KIF6: variants seen among roughly 807,000 people sequenced by gnomAD.
KIF6 encodes the protein kinesin-like protein KIF6.
Under a neutral mutation model 112.7 loss-of-function variants are expected in KIF6, and 106 were observed. The observed-to-expected ratio is 0.94, with a 90% CI of 0.80 to 1.11. KIF6 has a LOEUF of 1.11. KIF6 is among the 50% of genes least tolerant of loss of function. KIF6 has a pLI of 0.00. For synonymous variants in KIF6, 339 were observed against 339.9 expected, an observed-to-expected ratio of 1.00 and a Z score of 0.03; for missense variants, 929 against 964.0, an observed-to-expected ratio of 0.96 and a Z score of 0.48.
At chr6:39,620,583 T>C (rs987649925) in intron 5 of KIF6, 4 of 152,136 alleles carry the variant, frequency 2.6e-5, no homozygotes, top group African/African-American at 9.7e-5. Context: ...TACATGCTTC[T>C]TGTGAAAAAG....
chr6:39,631,220 T>C (rs1181567127), intron 5 of KIF6, among the ~76,000 whole-genome samples: 2 of 152,032 alleles, frequency 1.3e-5, no homozygotes, highest in Non-Finnish European at 1.5e-5. Flanking sequence ...TGCTTTTTTT[T>C]TTTCAGAAGA....
At chr6:39,346,308 G>A (rs570246637) in intron 20 of KIF6, 168 bp downstream of exon 20, 1 of 696,572 alleles carries the variant, frequency 1.4e-6, no homozygotes, top group East Asian at 2.7e-5. Context: ...CAATGTAATG[G>A]TAGTAGAGGT....
chr6:39,720,579 T>G, intron 2 of KIF6, 123 bp downstream of exon 2: 1 of 613,162 alleles, frequency 1.6e-6, no homozygotes, highest in South Asian at 2.1e-5. Context: ...CTAGGTGAGA[T>G]GAAGAGCTGC....
At chr6:39,565,513 G>A (rs1780232578) in intron 10 of KIF6, among the ~76,000 whole-genome samples, 1 of 152,144 alleles carries the variant, frequency 6.6e-6, no homozygotes, top group African/African-American at 2.4e-5. Context: ...CCTCTTCCAA[G>A]TCTCAGGTAT....
intron 6 of KIF6, among the ~76,000 whole-genome samples, chr6:39,598,434 G>C (rs967177898): frequency 4.6e-5 from 7 of 152,210 alleles, no homozygotes; most frequent in African/African-American, 1.7e-4. Context: ...TTTGTGTACT[G>C]CTTGTGGAAA....
At chr6:39,416,464 C>G (rs1581802914) in intron 15 of KIF6, among the ~76,000 whole-genome samples, 1 of 152,192 alleles carries the variant, frequency 6.6e-6, no homozygotes, top group Non-Finnish European at 1.5e-5. Flanking sequence ...GGCTCTCCGA[C>G]AGAAACACAG....
chr6:39,398,839 C>T (rs1490866858), intron 15 of KIF6, among the ~76,000 whole-genome samples: 2 of 152,136 alleles, frequency 1.3e-5, no homozygotes, highest in African/African-American at 2.4e-5. Flanking sequence ...TATGTCAAAG[C>T]GTATAGGCTA....
At chr6:39,468,900 CTATAACA>C (rs1234113167) in intron 13 of KIF6, among the ~76,000 whole-genome samples, 1 of 151,806 alleles carries the variant, frequency 6.6e-6, no homozygotes, top group African/African-American at 2.4e-5. Flanking sequence ...ATTGTGGAAA[CTATAACA>C]TATAAGTGTA....
intron 10 of KIF6, among the ~76,000 whole-genome samples, chr6:39,546,876 T>A (rs963166053): frequency 1.5e-4 from 23 of 150,002 alleles, no homozygotes; most frequent in Admixed American, 1.5e-3. Context: ...CACGTGCCAA[T>A]GTAGCATTCT....
intron 9 of KIF6, among the ~76,000 whole-genome samples, chr6:39,581,152 C>A (rs923751495): frequency 2.8e-5 from 4 of 141,208 alleles, no homozygotes; most frequent in African/African-American, 1.1e-4. Context: ...CTCTTAGTAG[C>A]TTTACTTTCT....
At chr6:39,427,598 G>A (rs888370116) in intron 14 of KIF6, among the ~76,000 whole-genome samples, 23 of 152,024 alleles carry the variant, frequency 1.5e-4, no homozygotes, top group Admixed American at 1.5e-3. Flanking sequence ...AAAAAATATG[G>A]GCTGGTCTCC....
chr6:39,380,537 G>A (rs867152660), intron 16 of KIF6, among the ~76,000 whole-genome samples: 2 of 152,102 alleles, frequency 1.3e-5, no homozygotes, highest in Non-Finnish European at 2.9e-5. Flanking sequence ...ACAGTCACGC[G>A]TGTGTGCACA....
At chr6:39,604,732 C>G (rs1386199772) in intron 6 of KIF6, among the ~76,000 whole-genome samples, 1 of 152,052 alleles carries the variant, frequency 6.6e-6, no homozygotes, top group Non-Finnish European at 1.5e-5. Flanking sequence ...TAAGAATGTT[C>G]TAATAATTAT....
intron 3 of KIF6, among the ~76,000 whole-genome samples, chr6:39,674,606 T>C (rs1169602952): frequency 1.3e-5 from 2 of 151,726 alleles, no homozygotes; most frequent in African/African-American, 4.8e-5. Context: ...TGAACTGAAA[T>C]ATACAAACAG....
chr6:39,616,906 T>C (rs1783550954), intron 5 of KIF6, among the ~76,000 whole-genome samples: 2 of 152,198 alleles, frequency 1.3e-5, no homozygotes, highest in Admixed American at 1.3e-4. Context: ...GTTCCTTCCT[T>C]TCCTGGCCCT....
At chr6:39,405,744 G>A (rs1363186433) in intron 15 of KIF6, among the ~76,000 whole-genome samples, 1 of 152,140 alleles carries the variant, frequency 6.6e-6, no homozygotes, top group Non-Finnish European at 1.5e-5. Flanking sequence ...TTCTGGAAGA[G>A]ATTATATAAA....
chr6:39,639,745 A>G lies in KIF6; in HGVS notation c.264T>C (p.Gly88=). Residue 88 remains glycine (G), a synonymous_variant, in exon 4 of 23, where the codon GGT becomes GGC. Transcript: ENST00000287152. ...CATATGCAAAGATGGTACCATTGTA[A>G]CCTGCCAGGACACTGCAATAAAGAA... ...AKPVAGSVLA[G]YNGTIFAYGQ... is the part of the protein sequence containing the mutation. 6.2e-7 allele frequency: 1 copy of G among 1,609,656 alleles called. No homozygotes were observed. The highest frequency in any genetic ancestry group is 8.5e-7 in the Non-Finnish European group (1 of 1,178,258).
intron 14 of KIF6, among the ~76,000 whole-genome samples, chr6:39,428,806 C>T (rs917289368): frequency 6.6e-6 from 1 of 152,226 alleles, no homozygotes; most frequent in Non-Finnish European, 1.5e-5. Context: ...AATTGGTATG[C>T]ATACATCTAA....
At chr6:39,585,152 C>T (rs1781553059) in intron 8 of KIF6, among the ~76,000 whole-genome samples, 168 bp from the exon 9 acceptor site, 1 of 152,178 alleles carries the variant, frequency 6.6e-6, no homozygotes, top group Non-Finnish European at 1.5e-5. Flanking sequence ...TGCTCTAGAA[C>T]AACAGTCCCC....
Sources: allele counts gnomAD v4.1 joint callset (sites outside exome capture counted in the v4.1 genomes callset), GRCh38; gene constraint gnomAD v4.1.1; transcripts MANE v1.5; gene names NCBI Gene and HGNC (gene_info 2026-07-23, HGNC 2026-07-21).